The following GLP1R variants were observed in gnomAD, a reference collection of about 807,000 sequenced individuals.
GLP1R encodes the protein glucagon like peptide 1 receptor, also known as glucagon-like peptide 1 receptor.
In GLP1R, 32 loss-of-function variants were observed where a neutral mutation model predicts 68.4. That is an observed-to-expected ratio of 0.47 (90% confidence interval 0.35 to 0.63). The LOEUF (loss-of-function observed/expected upper bound fraction) is 0.63. GLP1R is among the 20% of genes least tolerant of loss of function. GLP1R has a pLI of 0.00. For synonymous variants in GLP1R, 263 were observed against 244.4 expected, an observed-to-expected ratio of 1.08 and a Z score of -0.71; for missense variants, 502 against 594.9, an observed-to-expected ratio of 0.84 and a Z score of 1.62.
chr6:39,072,807 G>T, intron 5 of GLP1R, 55 bp from the exon 6 acceptor site: 1 of 1,528,764 alleles, frequency 6.5e-7, no homozygotes, highest in African/African-American at 1.4e-5. Flanking sequence ...GCCTGGGGTT[G>T]TAGAGCAGAA....
Position 39,088,961 on chromosome 6 carries a change from G to A in GLP1R, c.*2888G>A, listed in dbSNP as rs1247144328. ...AGCCCTTTTCTCTCAGTCTAGTGAG[G>A]CCTCTGGGAAGGATAGGTGAAAACT... On this transcript the variant is annotated 3_prime_UTR_variant, in exon 13 of 13. Coordinates refer to ENST00000373256, the MANE Select transcript of GLP1R (RefSeq NM_002062.5). Among the ~76,000 whole-genome samples, 1 of 152,226 alleles carries A rather than the reference G, an allele frequency of 6.6e-6. No homozygotes were observed. The highest frequency in any genetic ancestry group is 2.4e-5 in the African/African-American group (1 of 41,460).
chr6:39,055,734 T>G (rs3799707), intron 1 of GLP1R, among the ~76,000 whole-genome samples: 112,255 of 149,722 alleles, frequency 0.75, 42,541 homozygotes, highest in East Asian at 0.94. Flanking sequence ...GGGTGGGGGG[T>G]GCTGTGTTGA....
intron 5 of GLP1R, 90 bp downstream of exon 5, chr6:39,066,393 C>T (rs1583629157): frequency 5.8e-6 from 4 of 688,518 alleles, no homozygotes; most frequent in Non-Finnish European, 1.0e-5. Context: ...ATCAAAGCAA[C>T]AGTGCAGCAC....
chr6:39,054,253 C>T (rs539451851), intron 1 of GLP1R, among the ~76,000 whole-genome samples: 1 of 152,118 alleles, frequency 6.6e-6, no homozygotes, highest in East Asian at 1.9e-4. Flanking sequence ...TTCCCCTCCA[C>T]CCACGACCAC....
intron 1 of GLP1R, among the ~76,000 whole-genome samples, chr6:39,052,484 C>T (rs1265631433): frequency 6.6e-6 from 1 of 152,142 alleles, no homozygotes; most frequent in African/African-American, 2.4e-5. Flanking sequence ...CTGCATGTCT[C>T]CCACCTCTGT....
At chr6:39,075,196 C>T (rs1366794379) in intron 7 of GLP1R, among the ~76,000 whole-genome samples, 1 of 152,214 alleles carries the variant, frequency 6.6e-6, no homozygotes, top group Non-Finnish European at 1.5e-5. Flanking sequence ...GGCTCCTGCT[C>T]ACAGATCCCT....
intron 3 of GLP1R, among the ~76,000 whole-genome samples, chr6:39,059,333 C>T (rs1358411179): frequency 1.3e-5 from 2 of 152,228 alleles, no homozygotes; most frequent in Non-Finnish European, 2.9e-5. Flanking sequence ...TAGTGGGCGA[C>T]CCAGAAGCTT....
chr6:39,082,331 A>G (rs1205568629), intron 12 of GLP1R, among the ~76,000 whole-genome samples: 1 of 152,250 alleles, frequency 6.6e-6, no homozygotes, highest in Non-Finnish European at 1.5e-5. Flanking sequence ...GTTAAGCCTC[A>G]GCAAAATGAA....
At chr6:39,076,317 T>C (rs1038810709) in intron 7 of GLP1R, among the ~76,000 whole-genome samples, 2 of 152,220 alleles carry the variant, frequency 1.3e-5, no homozygotes, top group Non-Finnish European at 2.9e-5. Context: ...GCAGGGCCTG[T>C]ACCATGTGCT....
chr6:39,090,397 C>A lies in GLP1R; in HGVS notation c.*4324C>A, dbSNP rs555494792. Among the ~76,000 whole-genome samples, 2 of 152,220 alleles carry A rather than the reference C, an allele frequency of 1.3e-5. No homozygotes were observed. Among genetic ancestry groups the A allele is most frequent in the East Asian group, 3.9e-4 (2 of 5,188 alleles). The stretch of plus-strand genomic sequence containing the variant: ...GGCCATTTTAGCCTATTTTCCAGGA[C>A]CTTGTCTAGCAGTGGCTCCATTTTT... On this transcript the variant is annotated 3_prime_UTR_variant, in exon 13 of 13. Transcript: ENST00000373256.
intron 5 of GLP1R, among the ~76,000 whole-genome samples, chr6:39,072,431 A>G (rs1768695168): frequency 1.3e-5 from 2 of 152,254 alleles, no homozygotes; most frequent in African/African-American, 4.8e-5. Flanking sequence ...ATGAAAGGAT[A>G]TTAAAACTCT....
chr6:39,080,797 G>A (rs1368330207), intron 12 of GLP1R, 58 bp downstream of exon 12: 1 of 1,093,610 alleles, frequency 9.1e-7, no homozygotes, highest in East Asian at 2.6e-5. Context: ...CAGCCCGTCT[G>A]GAGTAGTACA....
rs34093988 is a variant in GLP1R, at chr6:39,086,166, GACACACAC to G, written c.*125_*132del. On this transcript the variant is annotated 3_prime_UTR_variant, in exon 13 of 13. Coordinates refer to ENST00000373256, the MANE Select transcript of GLP1R (RefSeq NM_002062.5). The surrounding 1 kb of genome is among the most constrained non-coding windows in gnomAD (Gnocchi z 4.5). ...ACTCCCAGGGACAAGGGAAGGAAGGGACACACACACACACACACACACACACACACACA... is the reference window on the plus strand; with the variant it reads ...ACTCCCAGGGACAAGGGAAGGAAGGGACACACACACACACACACACACACA... The G allele has an allele frequency of 0.017, 10,022 of 579,890 alleles. 3 individuals carry two copies. The highest frequency in any genetic ancestry group is 0.035 in the South Asian group (1,595 of 45,854). 35.9% of individuals were successfully genotyped at this position (579,890 alleles called of 1,614,324 possible). A position where few individuals can be genotyped will look rare whatever the true frequency, so the allele number is the denominator to read the frequency against.
At chr6:39,057,843 G>A (rs554592871) in intron 3 of GLP1R, among the ~76,000 whole-genome samples, 20 of 151,460 alleles carry the variant, frequency 1.3e-4, no homozygotes, top group Middle Eastern at 3.4e-3. Context: ...GGTCAGCAGT[G>A]GTGAGCCCCC....
At chr6:39,052,640 A>C (rs1583612447) in intron 1 of GLP1R, among the ~76,000 whole-genome samples, 1 of 151,732 alleles carries the variant, frequency 6.6e-6, no homozygotes, top group African/African-American at 2.4e-5. Context: ...AAAGCCCACC[A>C]CCCCGGGGGC....
intron 2 of GLP1R, 28 bp downstream of exon 2, chr6:39,056,521 A>C: frequency 8.3e-7 from 1 of 1,205,322 alleles, no homozygotes; most frequent in Non-Finnish European, 1.2e-6. Context: ...CCCCACCTTT[A>C]GTGCTCCCCA....
Position 39,065,750 on chromosome 6 carries a change from G to T in GLP1R, c.323G>T (p.Gly108Val). Residue 108 changes from glycine (G) to valine (V), a missense_variant, in exon 4 of 13, where the codon GGC becomes GTC. By Grantham distance (109) the Gly-to-Val change is moderately radical. Transcript: ENST00000373256. Reference protein sequence around the residue: ...GHVYRFCTAEGLWLQKDNSSL... With the variant: ...GHVYRFCTAEVLWLQKDNSSL... ...GTGTACCGGTTCTGCACAGCTGAAG[G>T]CCTCTGGCTGCAGAAGGACAACTCC... 1 of 1,580,636 alleles carries T rather than the reference G, an allele frequency of 6.3e-7. No individual in the cohort carries two copies. The highest frequency in any genetic ancestry group is 8.6e-7 in the Non-Finnish European group (1 of 1,162,976).
intron 3 of GLP1R, among the ~76,000 whole-genome samples, chr6:39,065,487 CCT>C (rs1434626856): frequency 6.6e-6 from 1 of 152,214 alleles, no homozygotes; most frequent in African/African-American, 2.4e-5. Context: ...TTGGTGGCCC[CCT>C]GTCTTGTCCC....
chr6:39,076,823 G>A (rs1379206598), intron 7 of GLP1R, among the ~76,000 whole-genome samples: 1 of 152,134 alleles, frequency 6.6e-6, no homozygotes, highest in Non-Finnish European at 1.5e-5. Flanking sequence ...GGTGGGAGTG[G>A]GTATGGGATT....
Sources: gnomAD v4.1 joint callset for allele counts (sites outside exome capture counted in the v4.1 genomes callset) on GRCh38, gnomAD v4.1.1 for gene constraint, Gnocchi (gnomAD v3.1) non-coding constraint, MANE v1.5 for transcripts, NCBI Gene and HGNC (gene_info 2026-07-23, HGNC 2026-07-21) for gene names.